Variants in SRRM2 observed in about 807,000 individuals in gnomAD.
SRRM2 encodes the protein serine/arginine repetitive matrix 2.
SRRM2 carries 30 observed loss-of-function variants against 213.8 expected under a neutral mutation model. The ratio of observed to expected loss-of-function variants is 0.14; its 90% confidence interval spans 0.10 to 0.19. SRRM2 has a LOEUF of 0.19. Among genes scored for constraint, SRRM2 ranks in the 10% least tolerant of loss-of-function variants. The probability of loss-of-function intolerance (pLI) is 1.00; values close to 1 mark genes in which losing one functional copy is unlikely to be tolerated. For missense variants in SRRM2, 4,904 were observed against 3,647.0 expected (o/e 1.34, Z -8.88); for synonymous variants, 2,025 against 1,377.7 (o/e 1.47, Z -10.40).
At position 2,764,193 on chromosome 16, in the gene SRRM2, C is replaced by T. The variant is rs1013082339; in HGVS notation, c.3665C>T (p.Thr1222Ile). 11 of 1,614,084 alleles carry T rather than the reference C, an allele frequency of 6.8e-6. No homozygotes were observed. Among genetic ancestry groups the T allele is most frequent in the African/African-American group, 1.3e-5 (1 of 74,926 alleles). Residue 1222 changes from threonine (T) to isoleucine (I), a missense_variant, in exon 11 of 15, where the codon ACA (threonine) becomes ATA (isoleucine). Physicochemically the swap from Thr to Ile is moderately conservative, Grantham distance 89. Coordinates refer to ENST00000301740, the MANE Select transcript of SRRM2 (RefSeq NM_016333.4). ...AGTGGTGCTGGGTCATCTCCAGAAA[C>T]AAAAGAGCAAAATAGTGCATTGCCT... ...ERSGAGSSPE[T>I]KEQNSALPTS...
chr16:2,760,557 C>T (rs918260717), intron 10 of SRRM2, 58 bp downstream of exon 10: 2 of 1,581,088 alleles, frequency 1.3e-6, no homozygotes, highest in African/African-American at 2.7e-5. Context: ...TTAGGATAGA[C>T]ATGTGATGTG....
In SRRM2 at chr16:2,757,513, G is replaced by A. The variant is rs746692354; in HGVS notation, c.284G>A (p.Arg95Gln). Residue 95 changes from arginine to glutamine, a missense_variant, in exon 3 of 15, where the codon CGA becomes CAA. Arg to Gln is a conservative substitution (Grantham distance 43). Coordinates refer to ENST00000301740, the MANE Select transcript of SRRM2 (RefSeq NM_016333.4). ...ATTCAGGAAAAAGTGGCGACCTTTCGACTCATGTTGCTGGAGAAGGATGTG... is the reference window on the plus strand; with the variant it reads ...ATTCAGGAAAAAGTGGCGACCTTTCAACTCATGTTGCTGGAGAAGGATGTG... ...QQIQEKVATF[R>Q]LMLLEKDVNP... 1 of 1,614,012 alleles carries A rather than the reference G, an allele frequency of 6.2e-7. No individual in the cohort carries two copies. Among genetic ancestry groups the A allele is most frequent in the Non-Finnish European group, 8.5e-7 (1 of 1,179,998 alleles).
intron 1 of SRRM2, among the ~76,000 whole-genome samples, chr16:2,754,133 TTG>T (rs2068052262): frequency 6.6e-6 from 1 of 152,160 alleles, no homozygotes; most frequent in Non-Finnish European, 1.5e-5. Context: ...GTTTGGTGAT[TTG>T]TGTGTGGTGT....
At position 2,766,344 on chromosome 16, in the gene SRRM2, C is replaced by G. The variant is rs563699936; in HGVS notation, c.5816C>G (p.Thr1939Arg). The G allele has an allele frequency of 6.2e-7, 1 of 1,614,070 alleles. No individual in the cohort carries two copies. Among genetic ancestry groups the G allele is most frequent in the Non-Finnish European group, 8.5e-7 (1 of 1,180,044 alleles). ...PVTRRRSRSR[T>R]PTTRRRSRSR... is the part of the protein sequence containing the mutation. ...ACCCGCCGTCGTTCAAGGTCTAGAA[C>G]GCCAACAACACGCCGCCGCTCCCGT... is the stretch of plus-strand genomic sequence containing the variant. The change falls in exon 11 of 15, where the codon ACG becomes AGG. Residue 1939 changes from threonine to arginine, a missense_variant. Thr to Arg is a moderately conservative substitution (Grantham distance 71). Transcript: ENST00000301740. This position sits in a 1 kb window ranked among gnomAD's most constrained non-coding sequence, Gnocchi z 7.0.
rs1309893219 is a variant in SRRM2, at chr16:2,763,494, A to C, written c.2966A>C (p.His989Pro). 6.2e-7 allele frequency: 1 copy of C among 1,614,032 alleles called. No individual in the cohort carries two copies. The highest frequency in any genetic ancestry group is 8.5e-7 in the Non-Finnish European group (1 of 1,180,042). ...VKPETPPRQS[H>P]SGSISPYPKV... ...CCTGAAACACCGCCAAGACAAAGTC[A>C]CTCAGGGTCTATTTCACCATACCCC... Residue 989 changes from histidine (H) to proline (P), a missense_variant, in exon 11 of 15, where the codon CAC (histidine) becomes CCC (proline). By Grantham distance (77) the His-to-Pro change is moderately conservative (BLOSUM62 -2). Transcript: ENST00000301740.
At position 2,770,998 on chromosome 16, in the gene SRRM2, T is replaced by C. The variant is rs758389045; in HGVS notation, c.*131T>C. 1.9e-5 allele frequency: 17 copies of C among 901,820 alleles called. No individual in the cohort carries two copies. Among genetic ancestry groups the C allele is most frequent in the Admixed American group, 9.2e-5 (3 of 32,734 alleles). 55.9% of individuals were successfully genotyped at this position (901,820 alleles called of 1,614,324 possible). On this transcript the variant is annotated 3_prime_UTR_variant, in exon 15 of 15. Transcript: ENST00000301740. ...CCTTGGCAGCCCTTGGATGGAGGGC[T>C]CCCTTTCCCTCCCCTTTTTTTTTTC...
Position 2,759,000 on chromosome 16 carries a change from C to T in SRRM2, c.609C>T (p.Ser203=), listed in dbSNP as rs1430508561. Residue 203 remains serine (S), a synonymous_variant, in exon 6 of 15, where the codon AGC becomes AGT. Coordinates refer to ENST00000301740, the MANE Select transcript of SRRM2 (RefSeq NM_016333.4). The part of the protein sequence containing the change: ...KKDRGRRSES[S]SPRRERKKSS... ...CCATCTTTAGCAGGTCAGAGAGCAG[C>T]TCTCCTCGACGGGAGAGAAAGAAAA... 6.2e-7 allele frequency: 1 copy of T among 1,614,008 alleles called. No homozygotes were observed. Among genetic ancestry groups the T allele is most frequent in the Admixed American group, 1.7e-5 (1 of 59,996 alleles).
At position 2,764,187 on chromosome 16, in the gene SRRM2, C is replaced by G; in HGVS notation, c.3659C>G (p.Pro1220Arg). The G allele has an allele frequency of 1.2e-6, 2 of 1,614,200 alleles. No individual in the cohort carries two copies. The highest frequency in any genetic ancestry group is 1.7e-6 in the Non-Finnish European group (2 of 1,180,042). ...GAAAGAAGTGGTGCTGGGTCATCTCCAGAAACAAAAGAGCAAAATAGTGCA... is the reference window on the plus strand; with the variant it reads ...GAAAGAAGTGGTGCTGGGTCATCTCGAGAAACAAAAGAGCAAAATAGTGCA... ...PRERSGAGSS[P>R]ETKEQNSALP... Residue 1220 changes from proline (P) to arginine (R), a missense_variant, in exon 11 of 15, where the codon CCA becomes CGA. Transcript: ENST00000301740.
chr16:2,762,617 C>T lies in SRRM2; in HGVS notation c.2089C>T (p.Pro697Ser), dbSNP rs1173252620. ...ARRGRSRSRT[P>S]RRGRSRSRSL... Reference sequence around the variant, plus strand: ...GAGAGGGAGGTCTCGGTCTAGGACACCAAGACGAGGAAGATCCCGCAGTAG... The same window carrying T: ...GAGAGGGAGGTCTCGGTCTAGGACATCAAGACGAGGAAGATCCCGCAGTAG... The change falls in exon 11 of 15, where the codon CCA becomes TCA. Residue 697 changes from proline (P) to serine (S), a missense_variant. Pro to Ser is a moderately conservative substitution (Grantham distance 74). Transcript: ENST00000301740. The T allele has an allele frequency of 1.9e-6, 3 of 1,614,112 alleles. No individual in the cohort carries two copies. The highest frequency in any genetic ancestry group is 2.5e-6 in the Non-Finnish European group (3 of 1,180,024).
chr16:2,759,653 C>G lies in SRRM2; in HGVS notation c.825C>G (p.Ser275=). 4 of 1,613,810 alleles carry G rather than the reference C, an allele frequency of 2.5e-6. No individual in the cohort carries two copies. In the South Asian group the frequency reaches 3.3e-5, roughly 13 times the overall value. Residue 275 remains serine (S), a synonymous_variant, in exon 9 of 15, where the codon TCC becomes TCG. Coordinates refer to ENST00000301740, the MANE Select transcript of SRRM2 (RefSeq NM_016333.4). ...SADSASSSDT[S]RSRSRSAAAK... ...ACTCTGCTTCCTCCTCCGATACTTC[C>G]CGCAGTCGGTAAGGGGTAGTCCAGG...
At position 2,761,673 on chromosome 16, in the gene SRRM2, C is replaced by T; in HGVS notation, c.1145C>T (p.Ala382Val). 1 of 1,596,896 alleles carries T rather than the reference C, an allele frequency of 6.3e-7. No homozygotes were observed. The highest frequency in any genetic ancestry group is 8.5e-7 in the Non-Finnish European group (1 of 1,171,966). ...CATGGCGGCTCCCCACAACCCCTTG[C>T]AACCACCCCCTTAAGCCAGGAGCCA... is the stretch of plus-strand genomic sequence containing the variant. ...ERHGGSPQPL[A>V]TTPLSQEPVN... The change falls in exon 11 of 15, where the codon GCA (alanine) becomes GTA (valine). Residue 382 changes from alanine (A) to valine (V), a missense_variant. Ala to Val is a moderately conservative substitution (Grantham distance 64, BLOSUM62 0). Transcript: ENST00000301740.
rs375134620 is a variant in SRRM2 at position 2,771,202 on chromosome 16, G to T, written c.*335G>T. 73 of 649,798 alleles carry T rather than the reference G, an allele frequency of 1.1e-4. No homozygotes were observed. The South Asian group carries it at 1.3e-3, about 11-fold the overall frequency. The allele number at this position is 649,798 out of a possible 1,614,324, so 40.3% of individuals were successfully genotyped here. Reference sequence around the variant, plus strand: ...CCACTTGTATCCAGAAGTTCCCAGGGGTGATTGTGATGGTGGTTGGGACTG... The same window carrying T: ...CCACTTGTATCCAGAAGTTCCCAGGTGTGATTGTGATGGTGGTTGGGACTG... On this transcript the variant is annotated 3_prime_UTR_variant, in exon 15 of 15. Coordinates refer to ENST00000301740, the MANE Select transcript of SRRM2 (RefSeq NM_016333.4).
Position 2,764,970 on chromosome 16 carries a change from A to C in SRRM2, c.4442A>C (p.Asp1481Ala). The C allele has an allele frequency of 6.2e-7, 1 of 1,614,052 alleles. No homozygotes were observed. The highest frequency in any genetic ancestry group is 2.2e-5 in the East Asian group (1 of 44,874). Residue 1481 changes from aspartate to alanine, a missense_variant, in exon 11 of 15, where the codon GAT becomes GCT. Asp to Ala is a moderately radical substitution (Grantham distance 126). Coordinates refer to ENST00000301740, the MANE Select transcript of SRRM2 (RefSeq NM_016333.4). The part of the protein sequence containing the change: ...RTPSRGRSEC[D>A]SSPEPKALPQ... ...CCATCTAGAGGGAGAAGCGAATGTG[A>C]TTCTTCCCCAGAACCGAAAGCTTTG...
Position 2,767,899 on chromosome 16 carries a change from C to T in SRRM2, c.7371C>T (p.Asp2457=). The T allele has an allele frequency of 6.2e-7, 1 of 1,614,160 alleles. No individual in the cohort carries two copies. The highest frequency in any genetic ancestry group is 1.3e-5 in the African/African-American group (1 of 75,014). The change falls in exon 11 of 15, where the codon GAC becomes GAT. Residue 2457 remains aspartate, a synonymous_variant. Coordinates refer to ENST00000301740, the MANE Select transcript of SRRM2 (RefSeq NM_016333.4). Reference sequence around the variant, plus strand: ...CTCCTGTGCCTTCTGCTTTTTCAGACCAATCCCGTTGTTTGATTGCCCAGA... The same window carrying T: ...CTCCTGTGCCTTCTGCTTTTTCAGATCAATCCCGTTGTTTGATTGCCCAGA... ...PRSPVPSAFS[D]QSRCLIAQTT...
chr16:2,766,787 C>T lies in SRRM2; in HGVS notation c.6259C>T (p.Arg2087Cys), dbSNP rs145649325. The change falls in exon 11 of 15, where the codon CGT (arginine) becomes TGT (cysteine). Residue 2087 changes from arginine (R) to cysteine (C), a missense_variant. Arg to Cys is a radical substitution (Grantham distance 180, BLOSUM62 -3). Transcript: ENST00000301740. The surrounding 1 kb of genome is among the most constrained non-coding windows in gnomAD (Gnocchi z 7.0). ...RRSASGSSSD[R>C]SRSATPPATR... ...TTCTGCATCTGGAAGTAGTTCTGAT[C>T]GTTCACGATCTGCTACTCCTCCAGC... 1.8e-4 allele frequency: 284 copies of T among 1,614,170 alleles called. 1 individual carries two copies. Among genetic ancestry groups the T allele is most frequent in the South Asian group, 6.6e-4 (60 of 91,078 alleles).
rs766204750 is a variant in SRRM2 at position 2,762,736 on chromosome 16, A to T, written c.2208A>T (p.Thr736=). The T allele has an allele frequency of 1.9e-6, 3 of 1,614,158 alleles. No individual in the cohort carries two copies. The highest frequency in any genetic ancestry group is 1.7e-5 in the Admixed American group (1 of 60,026). The change falls in exon 11 of 15, where the codon ACA becomes ACT. Residue 736 remains threonine (T), a synonymous_variant. Transcript: ENST00000301740. The stretch of plus-strand genomic sequence containing the variant: ...CAGAGCGGAAAAACAAATCCAGAAC[A>T]TCTCAAAGAAGAAGCAGGTCCAATT... The part of the protein sequence containing the change: ...SSSERKNKSR[T]SQRRSRSNSS...
chr16:2,753,263 C>T (rs577343286), intron 1 of SRRM2, among the ~76,000 whole-genome samples: 5 of 152,240 alleles, frequency 3.3e-5, no homozygotes, highest in Non-Finnish European at 7.3e-5. Flanking sequence ...TTCCAGATCT[C>T]CTTTCCTCGG....
rs368630823 is a variant in SRRM2, at chr16:2,770,894, C to T, written c.*27C>T. 1.2e-6 allele frequency: 2 copies of T among 1,613,522 alleles called. No individual in the cohort carries two copies. The highest frequency in any genetic ancestry group is 2.2e-5 in the East Asian group (1 of 44,886). On this transcript the variant is annotated 3_prime_UTR_variant, in exon 15 of 15. Transcript: ENST00000301740. Reference sequence around the variant, plus strand: ...TTGTCTTTGGGGGATTCCACCACACCCAATGCTCTGGAGCCACAAGGAGTG... The same window carrying T: ...TTGTCTTTGGGGGATTCCACCACACTCAATGCTCTGGAGCCACAAGGAGTG...
chr16:2,756,251 G>C, intron 1 of SRRM2, 83 bp from the exon 2 acceptor site: 1 of 1,254,916 alleles, frequency 8.0e-7, no homozygotes, highest in Non-Finnish European at 1.1e-6. Flanking sequence ...TAGGGATGAA[G>C]GAGAGCAGGG....
Sources: allele counts gnomAD v4.1 joint callset (sites outside exome capture counted in the v4.1 genomes callset), GRCh38; gene constraint gnomAD v4.1.1; non-coding constraint Gnocchi (gnomAD v3.1); transcripts MANE v1.5; gene names NCBI Gene and HGNC (gene_info 2026-07-23, HGNC 2026-07-21).